The following ARFGEF3 variants were observed in gnomAD, a reference collection of about 807,000 sequenced individuals.
The protein encoded by ARFGEF3 is ARFGEF family member 3.
A neutral mutation model predicts 221.7 loss-of-function variants in ARFGEF3; 96 were observed. The ratio of observed to expected loss-of-function variants is 0.43; its 90% CI spans 0.37 to 0.51. The LOEUF is 0.51. ARFGEF3 is among the 20% of genes least tolerant of loss of function. The pLI is 0.00. For synonymous variants in ARFGEF3, 1,145 were observed against 1,126.8 expected (o/e 1.02, Z -0.32); for missense variants, 2,410 against 2,789.9 (o/e 0.86, Z 3.07).
At chr6:138,277,729 C>G (rs1779123740) in intron 12 of ARFGEF3, among the ~76,000 whole-genome samples, 1 of 152,144 alleles carries the variant, frequency 6.6e-6, no homozygotes, top group Non-Finnish European at 1.5e-5. Context: ...ATGTCACCCT[C>G]TCATTGATTT....
chr6:138,286,503 T>C (rs908875391), intron 15 of ARFGEF3, among the ~76,000 whole-genome samples, 198 bp from the exon 16 acceptor site: 1 of 151,274 alleles, frequency 6.6e-6, no homozygotes, highest in Admixed American at 6.6e-5. Flanking sequence ...TTACTTAGCA[T>C]CATTCAGCTG....
intron 31 of ARFGEF3, among the ~76,000 whole-genome samples, chr6:138,327,736 C>G (rs1219604364): frequency 3.3e-5 from 5 of 152,118 alleles, no homozygotes; most frequent in Non-Finnish European, 7.3e-5. Flanking sequence ...TATTAAGTGT[C>G]AATACCTGCT....
At chr6:138,324,933 C>G (rs994418169) in intron 31 of ARFGEF3, among the ~76,000 whole-genome samples, 3 of 152,146 alleles carry the variant, frequency 2.0e-5, no homozygotes, top group Non-Finnish European at 2.9e-5. Context: ...ATGCCATCCC[C>G]GAATTCACAT....
At chr6:138,303,587 G>C (rs183209772) in intron 22 of ARFGEF3, among the ~76,000 whole-genome samples, 1 of 152,068 alleles carries the variant, frequency 6.6e-6, no homozygotes, top group African/African-American at 2.4e-5. Flanking sequence ...GGCAGATCAC[G>C]AGGTCAAGAG....
At chr6:138,302,527 A>T (rs1388934220) in intron 22 of ARFGEF3, among the ~76,000 whole-genome samples, 1 of 152,194 alleles carries the variant, frequency 6.6e-6, no homozygotes, top group African/African-American at 2.4e-5. Flanking sequence ...AGATGGGAAA[A>T]TATATTTAAA....
intron 14 of ARFGEF3, among the ~76,000 whole-genome samples, chr6:138,284,007 C>G (rs751113789): frequency 5.9e-5 from 9 of 152,022 alleles, no homozygotes; most frequent in Non-Finnish European, 1.2e-4. Flanking sequence ...GTCCTAAACT[C>G]GGAATTAATA....
At chr6:138,245,643 A>C (rs1344535561) in intron 8 of ARFGEF3, 52 bp downstream of exon 8, 28 of 1,331,740 alleles carry the variant, frequency 2.1e-5, no homozygotes, top group Non-Finnish European at 1.2e-5. Flanking sequence ...TACTTCTGAA[A>C]TAACCTTTGT....
At position 138,323,620 on chromosome 6, in the gene ARFGEF3, AAAC is replaced by A. The variant is rs200863305; in HGVS notation, c.4767-36_4767-34del. On this transcript the variant is annotated intron_variant, in intron 29 of 33. Coordinates refer to ENST00000251691, the MANE Select transcript of ARFGEF3 (RefSeq NM_020340.5). ...GAGCAAAACTCCATCTGAAAAAAAC[AAAC>A]AACAACAACAACAAAAAAAAAACTC... 4.7e-4 allele frequency: 737 copies of A among 1,559,042 alleles called. 2 individuals carry two copies. The highest frequency in any genetic ancestry group is 3.7e-3 in the African/African-American group (270 of 73,148).
At chr6:138,189,846 G>A (rs564469313) in intron 2 of ARFGEF3, among the ~76,000 whole-genome samples, 5 of 152,250 alleles carry the variant, frequency 3.3e-5, no homozygotes, top group South Asian at 2.1e-4. Flanking sequence ...TTAGGAGGCC[G>A]AGGAGGGAGG....
Position 138,342,422 on chromosome 6 carries a change from C to G in ARFGEF3, c.*5936C>G, listed in dbSNP as rs1314286030. ...AGATGACTTGGGATTGGATTCTATA[C>G]AGCAGTCTTGCTCAATCTTCCCAGT... On this transcript the variant is annotated 3_prime_UTR_variant, in exon 34 of 34. Transcript: ENST00000251691. The G allele has an allele frequency of 6.6e-6, 1 of 152,192 alleles. No homozygotes were observed. Among genetic ancestry groups the G allele is most frequent in the East Asian group, 1.9e-4 (1 of 5,198 alleles). 9.4% of individuals were successfully genotyped at this position (152,192 alleles called of 1,614,324 possible).
At chr6:138,271,672 T>C (rs58308137) in intron 12 of ARFGEF3, among the ~76,000 whole-genome samples, 19 of 152,364 alleles carry the variant, frequency 1.2e-4, no homozygotes, top group African/African-American at 4.6e-4. Flanking sequence ...GCATGCTCAT[T>C]ACACTGCACA....
At chr6:138,233,875 GA>G (rs1778238400) in intron 5 of ARFGEF3, among the ~76,000 whole-genome samples, 1 of 152,142 alleles carries the variant, frequency 6.6e-6, no homozygotes, top group Non-Finnish European at 1.5e-5. Flanking sequence ...CTCCTGGCAA[GA>G]AAACTAGCCA....
intron 2 of ARFGEF3, among the ~76,000 whole-genome samples, chr6:138,172,609 T>C (rs945176712): frequency 6.6e-6 from 1 of 152,226 alleles, no homozygotes; most frequent in East Asian, 1.9e-4. Flanking sequence ...AGCTATAAGA[T>C]GATAGATGAA....
intron 2 of ARFGEF3, among the ~76,000 whole-genome samples, chr6:138,178,515 T>C (rs1777000845): frequency 6.6e-6 from 1 of 152,194 alleles, no homozygotes; most frequent in Non-Finnish European, 1.5e-5. Context: ...TATATTTCTC[T>C]CCCTTGTGTC....
At chr6:138,307,171 CAGAG>C in intron 22 of ARFGEF3, 78 bp from the exon 23 acceptor site, 5 of 1,411,350 alleles carry the variant, frequency 3.5e-6, no homozygotes, top group Non-Finnish European at 4.9e-6. Context: ...AAATAGGGGA[CAGAG>C]AAATACATCA....
chr6:138,289,034 A>T (rs1779350219), intron 17 of ARFGEF3, among the ~76,000 whole-genome samples: 1 of 152,096 alleles, frequency 6.6e-6, no homozygotes, highest in South Asian at 2.1e-4. Context: ...GCTTACTGCA[A>T]TCTCCGCCTC....
intron 24 of ARFGEF3, among the ~76,000 whole-genome samples, chr6:138,310,857 A>C (rs1201651791): frequency 6.6e-6 from 1 of 152,220 alleles, no homozygotes; most frequent in African/African-American, 2.4e-5. Flanking sequence ...CTGTCCCTAA[A>C]CCCCAGATGT....
chr6:138,305,987 CT>C (rs1392604362), intron 22 of ARFGEF3, among the ~76,000 whole-genome samples: 1 of 152,114 alleles, frequency 6.6e-6, no homozygotes, highest in Non-Finnish European at 1.5e-5. Flanking sequence ...TCAACATTAA[CT>C]TTTGCTCATT....
In ARFGEF3 at chr6:138,221,739, A is replaced by G. The variant is rs145996237; in HGVS notation, c.352-8045A>G. ...TTCAGTGCTAAGGGCATATCTGATG[A>G]ATATCAATAACTTATTTCTAGTGGC... On this transcript the variant is annotated intron_variant, in intron 4 of 33. Coordinates refer to ENST00000251691, the MANE Select transcript of ARFGEF3 (RefSeq NM_020340.5). Among the ~76,000 whole-genome samples the G allele has an allele frequency of 6.5e-3, 994 of 152,328 alleles. 14 individuals are homozygous for G. Among genetic ancestry groups the G allele is most frequent in the African/African-American group, 0.023 (952 of 41,578 alleles).
Sources: allele counts gnomAD v4.1 joint callset (sites outside exome capture counted in the v4.1 genomes callset), GRCh38; gene constraint gnomAD v4.1.1; transcripts MANE v1.5; gene names NCBI Gene and HGNC (gene_info 2026-07-23, HGNC 2026-07-21).